CDKN2B-AS1: variants seen among roughly 807,000 people sequenced by gnomAD.
The protein encoded by CDKN2B-AS1 is CDKN2B antisense RNA 1 (non-protein coding).
At position 22,109,828 on chromosome 9, in the gene CDKN2B-AS1, G is replaced by A. The variant is rs796341719; in HGVS notation, n.439-17275G>A. Among the ~76,000 whole-genome samples the A allele has an allele frequency of 1.7e-4, 26 of 152,250 alleles. 1 individual carries two copies. The highest frequency in any genetic ancestry group is 6.3e-4 in the African/African-American group (26 of 41,548). ...TTGCAACTGCTATGGTCCCTTTGAA[G>A]GGAGCTGGTGCAAGATTTTCCATGC... is the stretch of plus-strand genomic sequence containing the variant. On this transcript the variant is annotated intron_variant and non_coding_transcript_variant, in intron 4 of 4. Transcript: ENST00000650946.
At chr9:22,078,477 T>C (rs1056890333) in intron 4 of CDKN2B-AS1, among the ~76,000 whole-genome samples, 4 of 152,252 alleles carry the variant, frequency 2.6e-5, no homozygotes, top group Non-Finnish European at 4.4e-5. Flanking sequence ...AGGCCTTTAC[T>C]TACTTCTTCC....
In CDKN2B-AS1 at chr9:21,997,234, T is replaced by A. The variant is rs1820729726; in HGVS notation, n.29+2073T>A. Among the ~76,000 whole-genome samples, 1 of 152,226 alleles carries A rather than the reference T, an allele frequency of 6.6e-6. No individual in the cohort carries two copies. The highest frequency in any genetic ancestry group is 1.5e-5 in the Non-Finnish European group (1 of 68,036). On this transcript the variant is annotated intron_variant and non_coding_transcript_variant, in intron 1 of 4. Transcript: ENST00000650946. The surrounding 1 kb of genome is among the most constrained non-coding windows in gnomAD (Gnocchi z 4.8). ...AGATAATTGTAACAAAATGTAGTTT[T>A]ATATCTAAACACATCTAAACATAGA...
At chr9:22,112,640 A>G (rs72654240) in intron 4 of CDKN2B-AS1, among the ~76,000 whole-genome samples, 2 of 152,192 alleles carry the variant, frequency 1.3e-5, no homozygotes, top group Non-Finnish European at 2.9e-5. Context: ...ATAATTCTTC[A>G]CTATATTGCT....
intron 4 of CDKN2B-AS1, chr9:22,112,501 A>G (rs1587546474): frequency 1.3e-5 from 2 of 152,152 alleles, no homozygotes; most frequent in African/African-American, 4.8e-5. Context: ...CCAATACACT[A>G]TTATGTGTGG....
At chr9:22,029,380 C>G in intron 1 of CDKN2B-AS1, 1 of 775,946 alleles carries the variant, frequency 1.3e-6, no homozygotes, top group South Asian at 1.4e-5. Flanking sequence ...TAGTCTGAAT[C>G]TAATCACATA....
At chr9:22,065,612 C>G (rs1824003146) in intron 4 of CDKN2B-AS1, 1 of 152,138 alleles carries the variant, frequency 6.6e-6, no homozygotes, top group Admixed American at 6.5e-5. Flanking sequence ...GGTTCAGTAG[C>G]TTTGTTCTAT....
chr9:22,088,948 G>C (rs185331889), intron 4 of CDKN2B-AS1, among the ~76,000 whole-genome samples: 20 of 152,268 alleles, frequency 1.3e-4, no homozygotes, highest in Non-Finnish European at 2.5e-4. Context: ...TGTCTGGATG[G>C]ATCAGCATCA....
intron 4 of CDKN2B-AS1, chr9:22,092,212 G>A (rs1348315612): frequency 6.6e-6 from 1 of 152,160 alleles, no homozygotes; most frequent in South Asian, 2.1e-4. Flanking sequence ...TGTGCTACTG[G>A]ATTCAGTTTG....
rs573570561 is a variant in CDKN2B-AS1 at position 22,094,691 on chromosome 9, G to A, written n.439-32412G>A. 3.5e-5 allele frequency among the ~76,000 whole-genome samples: 5 copies of A among 143,850 alleles called. 1 individual carries two copies. The East Asian group carries it at 9.9e-4, about 29-fold the overall frequency. The allele number at this position is 143,850 out of a possible 152,430, so 94.4% of individuals were successfully genotyped here. A position where few individuals can be genotyped will look rare whatever the true frequency, so the allele number is the denominator to read the frequency against. On this transcript the variant is annotated intron_variant and non_coding_transcript_variant, in intron 4 of 4. Transcript: ENST00000650946. ...GGTCCTTTAAAGACTTCTCTGCGTT[G>A]GTTATTCTAGTTAGCCATTTGTCTA...
intron 1 of CDKN2B-AS1, among the ~76,000 whole-genome samples, chr9:22,040,504 C>T (rs1822854829): frequency 6.6e-6 from 1 of 151,958 alleles, no homozygotes; most frequent in South Asian, 2.1e-4. Flanking sequence ...TAACCAACAT[C>T]AGACTGTCAG....
At chr9:22,052,336 G>T (rs1002453798) in intron 3 of CDKN2B-AS1, among the ~76,000 whole-genome samples, 1 of 152,130 alleles carries the variant, frequency 6.6e-6, no homozygotes, top group Admixed American at 6.6e-5. Flanking sequence ...AAAAGCTAGA[G>T]TCACATTTTA....
At chr9:22,009,530 C>T (rs1167617824) in intron 1 of CDKN2B-AS1, among the ~76,000 whole-genome samples, 1 of 152,272 alleles carries the variant, frequency 6.6e-6, no homozygotes, top group Non-Finnish European at 1.5e-5. Context: ...GCTGGATGTC[C>T]AGTAAAGCCA....
At chr9:22,029,360 A>G in intron 1 of CDKN2B-AS1, 2 of 763,446 alleles carry the variant, frequency 2.6e-6, no homozygotes, top group Admixed American at 1.7e-5. Context: ...GGGATTCCTG[A>G]TGGAATGTTT....
At chr9:22,083,132 T>G (rs560460190) in intron 4 of CDKN2B-AS1, among the ~76,000 whole-genome samples, 9 of 152,350 alleles carry the variant, frequency 5.9e-5, no homozygotes, top group African/African-American at 1.9e-4. Context: ...ACGTATGTTA[T>G]CCCATCTAAA....
intron 1 of CDKN2B-AS1, among the ~76,000 whole-genome samples, chr9:22,034,469 A>T (rs567058312): frequency 6.6e-6 from 1 of 152,166 alleles, no homozygotes; most frequent in South Asian, 2.1e-4. Flanking sequence ...TAGGGAAGAG[A>T]TGAAGTAGTC....
chr9:22,114,144 C>A (rs961873427), intron 4 of CDKN2B-AS1, among the ~76,000 whole-genome samples: 1 of 152,180 alleles, frequency 6.6e-6, no homozygotes, highest in African/African-American at 2.4e-5. Context: ...CAACTTCAGA[C>A]CTTGATTACT....
At chr9:22,123,630 G>C (rs1412112986) in intron 4 of CDKN2B-AS1, among the ~76,000 whole-genome samples, 1 of 151,492 alleles carries the variant, frequency 6.6e-6, no homozygotes, top group African/African-American at 2.4e-5. Context: ...TGATGAATGA[G>C]AAGATGGATT....
At position 22,067,163 on chromosome 9, in the gene CDKN2B-AS1, T is replaced by A. The variant is rs1334792647; in HGVS notation, n.438+10776T>A. Among the ~76,000 whole-genome samples, 3 of 152,086 alleles carry A rather than the reference T, an allele frequency of 2.0e-5. No individual in the cohort carries two copies. In the South Asian group the frequency reaches 6.2e-4, roughly 31 times the overall value. On this transcript the variant is annotated intron_variant and non_coding_transcript_variant, in intron 4 of 4. Transcript: ENST00000650946. Reference sequence around the variant, plus strand: ...CACCAACATAGCACATGTATACATATGTAATAAACCTGCACATTGTGCACA... The same window carrying A: ...CACCAACATAGCACATGTATACATAAGTAATAAACCTGCACATTGTGCACA...
chr9:22,123,202 T>C (rs1563995486), intron 4 of CDKN2B-AS1, among the ~76,000 whole-genome samples: 1 of 152,220 alleles, frequency 6.6e-6, no homozygotes, highest in Non-Finnish European at 1.5e-5. Context: ...TATATTGATA[T>C]CGTATTCTGC....
Sources: gnomAD v4.1 joint callset for allele counts (sites outside exome capture counted in the v4.1 genomes callset) on GRCh38, gnomAD v4.1.1 for gene constraint, Gnocchi (gnomAD v3.1) non-coding constraint, MANE v1.5 for transcripts, NCBI Gene and HGNC (gene_info 2026-07-23, HGNC 2026-07-21) for gene names.